The following PARP4 variants were observed in gnomAD, a reference collection of about 807,000 sequenced individuals.
PARP4 encodes poly(ADP-ribose) polymerase family member 4.
Under a neutral mutation model 187.7 loss-of-function variants are expected in PARP4, and 120 were observed. The ratio of observed to expected loss-of-function variants is 0.64; its 90% confidence interval spans 0.55 to 0.74. PARP4 has a LOEUF of 0.74. Ranked by LOEUF, PARP4 falls within the 30% of genes least tolerant of loss-of-function variation. The pLI is 0.00. For missense variants in PARP4, 1,836 were observed against 2,070.5 expected (o/e 0.89, Z 2.20); for synonymous variants, 654 against 740.9 (o/e 0.88, Z 1.90).
chr13:24,471,731 G>A (rs56670809), intron 15 of PARP4, among the ~76,000 whole-genome samples: 218 of 152,180 alleles, frequency 1.4e-3, no homozygotes, highest in African/African-American at 5.1e-3. Context: ...AGGCCTCTTC[G>A]GGTTTGAAAT....
chr13:24,471,879 C>T (rs562032223), intron 15 of PARP4, among the ~76,000 whole-genome samples: 1 of 152,320 alleles, frequency 6.6e-6, no homozygotes, highest in East Asian at 1.9e-4. Context: ...ATAGCCACTA[C>T]ACTGATGGGC....
chr13:24,502,733 A>C (rs1869370198), intron 2 of PARP4, among the ~76,000 whole-genome samples: 1 of 152,248 alleles, frequency 6.6e-6, no homozygotes, highest in Non-Finnish European at 1.5e-5. Context: ...CAAACTGAGA[A>C]GGGAGAGCAG....
chr13:24,427,805 A>T (rs1870133861), intron 32 of PARP4, among the ~76,000 whole-genome samples: 1 of 152,204 alleles, frequency 6.6e-6, no homozygotes, highest in Non-Finnish European at 1.5e-5. Context: ...CCACAAAAGA[A>T]AATCAGTGGA....
intron 32 of PARP4, among the ~76,000 whole-genome samples, chr13:24,428,027 TGAA>T (rs1479062838): frequency 1.3e-5 from 2 of 151,664 alleles, no homozygotes; most frequent in Admixed American, 6.6e-5. Flanking sequence ...AAAAGAGAAA[TGAA>T]GAAGAGGATA....
At chr13:24,439,497 C>T (rs181075165) in intron 30 of PARP4, among the ~76,000 whole-genome samples, 3,587 of 139,906 alleles carry the variant, frequency 0.026, 99 homozygotes, top group African/African-American at 0.07. Flanking sequence ...AAACACTTAA[C>T]ATATGTAGCA....
intron 30 of PARP4, among the ~76,000 whole-genome samples, chr13:24,441,233 G>A (rs1375728884): frequency 3.3e-5 from 5 of 152,146 alleles, no homozygotes; most frequent in Non-Finnish European, 7.3e-5. Flanking sequence ...CAAACTCCTG[G>A]CTGAAGTGAT....
chr13:24,461,928 T>A (rs578197134), intron 17 of PARP4, among the ~76,000 whole-genome samples: 1 of 152,280 alleles, frequency 6.6e-6, no homozygotes, highest in African/African-American at 2.4e-5. Flanking sequence ...GACACCCTCC[T>A]AGGCCCAGGA....
intron 1 of PARP4, among the ~76,000 whole-genome samples, chr13:24,504,182 CTT>C (rs1160777485): frequency 6.6e-6 from 1 of 151,714 alleles, no homozygotes; most frequent in African/African-American, 2.4e-5. Context: ...CAAAAAGACT[CTT>C]TATGTGGACT....
intron 12 of PARP4, among the ~76,000 whole-genome samples, chr13:24,481,386 C>A (rs1593634755): frequency 6.6e-6 from 1 of 152,188 alleles, no homozygotes; most frequent in East Asian, 1.9e-4. Flanking sequence ...GCTTTCAAGT[C>A]TTATTATTTA....
chr13:24,489,526 G>A (rs575777366), intron 10 of PARP4, among the ~76,000 whole-genome samples: 11 of 152,234 alleles, frequency 7.2e-5, no homozygotes, highest in Admixed American at 5.9e-4. Context: ...GGAGAATGGC[G>A]TGAACCTGGG....
At chr13:24,510,321 G>A (rs942901322) in intron 1 of PARP4, among the ~76,000 whole-genome samples, 1 of 152,000 alleles carries the variant, frequency 6.6e-6, no homozygotes. Context: ...TTGGGAGGCC[G>A]AGGCGGGCGG....
chr13:24,490,783 G>C lies in PARP4; in HGVS notation c.1099C>G (p.Pro367Ala), dbSNP rs1467528731. ...TATTTGGCCAGGGATGGTGGGTTGG[G>C]TTTGGACAAATTAGTTTCACAGACA... Reference protein sequence around the residue: ...VNVCETNLSKPNPPSLAKYRA... With the variant: ...VNVCETNLSKANPPSLAKYRA... The change falls in exon 10 of 34, where the codon CCC becomes GCC. Residue 367 changes from proline (P) to alanine (A), a missense_variant. Around this residue, in one of 8 missense-constraint regions of PARP4, gnomAD observed 1,147 missense variants for 1,214.2 expected, o/e 0.94. Transcript: ENST00000381989. The C allele has an allele frequency of 2.5e-6, 4 of 1,613,942 alleles. No individual in the cohort carries two copies. The highest frequency in any genetic ancestry group is 1.3e-5 in the African/African-American group (1 of 74,904).
In PARP4 at chr13:24,434,916, C is replaced by T; in HGVS notation, c.4225G>A (p.Ala1409Thr). The change falls in exon 31 of 34, where the codon GCA becomes ACA. Residue 1409 changes from alanine (A) to threonine (T), a missense_variant. Transcript: ENST00000381989. ...IVFSGSSLSS[A>T]QSAPLQHPGG... ...GGATGTTGCAGTGGAGCAGACTGTG[C>T]AGAGCTTAATGAGCTCCCTGAAAAA... 6.2e-7 allele frequency: 1 copy of T among 1,614,054 alleles called. No homozygotes were observed.
chr13:24,468,928 A>G, intron 17 of PARP4, 96 bp downstream of exon 17: 2 of 958,170 alleles, frequency 2.1e-6, no homozygotes, highest in East Asian at 2.4e-5. Context: ...AACAGTGCAA[A>G]TTATCTTAGC....
intron 33 of PARP4, among the ~76,000 whole-genome samples, chr13:24,422,896 C>A (rs184652771): frequency 6.6e-6 from 1 of 152,076 alleles, no homozygotes; most frequent in Admixed American, 6.6e-5. Context: ...TGTGAGTCAC[C>A]GTGTCTGGCC....
In PARP4 at chr13:24,501,774, G is replaced by T. The variant is rs201797366; in HGVS notation, c.193C>A (p.Gln65Lys). The change falls in exon 3 of 34, where the codon CAA becomes AAA. Residue 65 changes from glutamine (Q) to lysine (K), a missense_variant. By Grantham distance (53) the Gln-to-Lys change is moderately conservative. This residue lies in a region of PARP4 where 1,147 missense variants were observed against 1,214.2 expected (regional missense o/e 0.94). Transcript: ENST00000381989. ...TTTGCAATATGAACGTGGTTCTTTTGGATAGAATTCAGTTGGTACTGACTC... is the reference window on the plus strand; with the variant it reads ...TTTGCAATATGAACGTGGTTCTTTTTGATAGAATTCAGTTGGTACTGACTC... Reference protein sequence around the residue: ...VLSQYQLNSIQKNHVHIANPD... With the variant: ...VLSQYQLNSIKKNHVHIANPD... 2.5e-6 allele frequency: 4 copies of T among 1,612,480 alleles called. No individual in the cohort carries two copies. Among genetic ancestry groups the T allele is most frequent in the Non-Finnish European group, 3.4e-6 (4 of 1,178,662 alleles).
At chr13:24,499,277 G>A (rs773288064) in intron 5 of PARP4, 24 bp downstream of exon 5, 1 of 891,404 alleles carries the variant, frequency 1.1e-6, no homozygotes, top group Non-Finnish European at 1.4e-6. Context: ...TTTTTTTTTT[G>A]CTAACTAGAA....
chr13:24,460,006 C>T lies in PARP4; in HGVS notation c.2264G>A (p.Trp755Ter). Residue 755 changes from tryptophan to a stop codon, truncating the protein, a stop_gained, in exon 18 of 34, where the codon TGG becomes TAG. Transcript: ENST00000381989. LOFTEE classifies it high-confidence loss of function. ...VFFMPATVAP[W>*]QQDKALNENL... The stretch of plus-strand genomic sequence containing the variant: ...TTCATTCAAAGCCTTGTCCTGTTGC[C>T]AGGGTGCTACGGTGGCGGGCATGAA... The T allele has an allele frequency of 6.2e-7, 1 of 1,614,046 alleles. No homozygotes were observed. Among genetic ancestry groups the T allele is most frequent in the Non-Finnish European group, 8.5e-7 (1 of 1,180,000 alleles).
Position 24,459,042 on chromosome 13 carries a change from ACC to A in PARP4, c.2424_2424+1del. ...CTCTTAAGAAATCAAAGATGCACTA[ACC>A]TTTTGTTTCAGTTCATGTGTATCAC... is the stretch of plus-strand genomic sequence containing the variant. On this transcript the variant is annotated splice_donor_variant and coding_sequence_variant, in exon 20 of 34. Coordinates refer to ENST00000381989, the MANE Select transcript of PARP4 (RefSeq NM_006437.4). LOFTEE classifies it high-confidence loss of function. 6.3e-7 allele frequency: 1 copy of A among 1,586,642 alleles called. No individual in the cohort carries two copies.
Sources: allele counts gnomAD v4.1 joint callset (sites outside exome capture counted in the v4.1 genomes callset), GRCh38; gene constraint gnomAD v4.1.1; regional missense constraint gnomAD v4.1.1; transcripts MANE v1.5; gene names NCBI Gene and HGNC (gene_info 2026-07-23, HGNC 2026-07-21).